Variants in SDK1 observed in about 807,000 individuals in gnomAD.
SDK1 encodes protein sidekick-1.
In SDK1, 157 loss-of-function variants were observed where a neutral mutation model predicts 245.5. That is an observed-to-expected ratio of 0.64 (90% CI 0.56 to 0.73). The LOEUF (loss-of-function observed/expected upper bound fraction) is 0.73, where lower values mean the gene tolerates loss of function less well. Among genes scored for constraint, SDK1 ranks in the 30% least tolerant of loss-of-function variants. SDK1 has a pLI of 0.00. For synonymous variants in SDK1, 1,647 were observed against 1,278.5 expected (o/e 1.29, Z -6.15); for missense variants, 3,583 against 3,002.3 (o/e 1.19, Z -4.52).
chr7:4,092,879 CCCA>C lies in SDK1; in HGVS notation c.3324+13300_3324+13302del, dbSNP rs200940005. Among the ~76,000 whole-genome samples the C allele has an allele frequency of 7.7e-4, 118 of 152,276 alleles. 3 individuals carry two copies. In the East Asian group the frequency reaches 0.019, roughly 24 times the overall value. ...GCAGAGCAGGGCAGGGACGAAAGCT[CCCA>C]CCACAACACTCTCTGCCAGAAGAGT... On this transcript the variant is annotated intron_variant, in intron 22 of 44. Transcript: ENST00000404826.
chr7:4,031,027 GCAAA>G (rs768083242), intron 17 of SDK1, among the ~76,000 whole-genome samples: 32 of 152,104 alleles, frequency 2.1e-4, no homozygotes, highest in African/African-American at 5.1e-4. Context: ...ACATACATGC[GCAAA>G]CAGAGACAAG....
intron 14 of SDK1, among the ~76,000 whole-genome samples, chr7:4,000,762 C>A (rs1022586604): frequency 5.9e-5 from 9 of 152,210 alleles, no homozygotes; most frequent in African/African-American, 2.2e-4. Context: ...CTCACACAGG[C>A]GTTTTCTAAT....
chr7:4,198,876 T>C (rs1783731644), intron 35 of SDK1, among the ~76,000 whole-genome samples: 1 of 151,288 alleles, frequency 6.6e-6, no homozygotes, highest in Non-Finnish European at 1.5e-5. Flanking sequence ...TGCAGTGGCG[T>C]GATCTCGGCT....
At chr7:4,017,931 G>A (rs1786547821) in intron 17 of SDK1, among the ~76,000 whole-genome samples, 1 of 152,290 alleles carries the variant, frequency 6.6e-6, no homozygotes, top group South Asian at 2.1e-4. Context: ...TCCGTGGTGA[G>A]ATCCGGGTGC....
At chr7:3,483,001 A>C (rs1455118568) in intron 1 of SDK1, among the ~76,000 whole-genome samples, 1 of 151,458 alleles carries the variant, frequency 6.6e-6, no homozygotes, top group Non-Finnish European at 1.5e-5. Context: ...TGCTTTGTTA[A>C]AATCACACCA....
At chr7:3,672,860 G>C (rs1783761827) in intron 4 of SDK1, among the ~76,000 whole-genome samples, 1 of 139,704 alleles carries the variant, frequency 7.2e-6, no homozygotes, top group South Asian at 2.2e-4. Context: ...CCTACAATGA[G>C]GGCCCCATCC....
chr7:3,869,249 G>A lies in SDK1; in HGVS notation c.847+47666G>A, dbSNP rs570461009. On this transcript the variant is annotated intron_variant, in intron 5 of 44. Coordinates refer to ENST00000404826, the MANE Select transcript of SDK1 (RefSeq NM_152744.4). Reference sequence around the variant, plus strand: ...CGGCCCACTGCAATCTCCACCTCCCGGGTTCAAGCGATTCTCCTGCCTCAG... The same window carrying A: ...CGGCCCACTGCAATCTCCACCTCCCAGGTTCAAGCGATTCTCCTGCCTCAG... Among the ~76,000 whole-genome samples the A allele has an allele frequency of 3.4e-5, 5 of 148,138 alleles. No homozygotes were observed. The South Asian group carries it at 6.4e-4, about 19-fold the overall frequency.
At chr7:3,586,924 A>AT (rs932517701) in intron 1 of SDK1, among the ~76,000 whole-genome samples, 6 of 152,086 alleles carry the variant, frequency 3.9e-5, no homozygotes, top group South Asian at 2.1e-4. Flanking sequence ...TCTGTAAGAG[A>AT]TTTTTTTGGT....
chr7:3,335,725 G>A (rs1403053685), intron 1 of SDK1, among the ~76,000 whole-genome samples: 2 of 152,100 alleles, frequency 1.3e-5, no homozygotes, highest in African/African-American at 4.8e-5. Context: ...AAAATGAAAT[G>A]AATAGTAATC....
chr7:4,248,970 A>G (rs909046073), intron 44 of SDK1, among the ~76,000 whole-genome samples: 1 of 146,230 alleles, frequency 6.8e-6, no homozygotes, highest in South Asian at 2.1e-4. Context: ...ATACACACAT[A>G]CACATATGTA....
chr7:3,326,889 G>T (rs1373194291), intron 1 of SDK1, among the ~76,000 whole-genome samples: 1 of 152,060 alleles, frequency 6.6e-6, no homozygotes, highest in Non-Finnish European at 1.5e-5. Flanking sequence ...GTTTATTACT[G>T]AAATGAGTAT....
At chr7:4,246,961 G>A (rs946518518) in intron 44 of SDK1, among the ~76,000 whole-genome samples, 1 of 152,180 alleles carries the variant, frequency 6.6e-6, no homozygotes, top group African/African-American at 2.4e-5. Context: ...CTTCCCTACA[G>A]GTGCACCATC....
intron 16 of SDK1, among the ~76,000 whole-genome samples, chr7:4,014,488 A>G (rs936883577): frequency 4.6e-5 from 7 of 152,214 alleles, no homozygotes; most frequent in African/African-American, 1.7e-4. Flanking sequence ...ACATTTCCGC[A>G]TAATCCTCTG....
intron 4 of SDK1, among the ~76,000 whole-genome samples, chr7:3,718,019 C>G (rs544530552): frequency 1.3e-5 from 2 of 150,820 alleles, no homozygotes; most frequent in African/African-American, 4.9e-5. Context: ...AAATTCTCAA[C>G]ACAGTAATGG....
intron 4 of SDK1, among the ~76,000 whole-genome samples, chr7:3,816,638 T>C (rs901263016): frequency 6.6e-6 from 1 of 152,168 alleles, no homozygotes; most frequent in South Asian, 2.1e-4. Context: ...CAGGACCAGA[T>C]GGATTCACAG....
Position 3,462,901 on chromosome 7 carries a change from T to C in SDK1, c.299-156179T>C, listed in dbSNP as rs541212322. Among the ~76,000 whole-genome samples the C allele has an allele frequency of 2.0e-4, 30 of 152,280 alleles. No individual in the cohort carries two copies. In the East Asian group the frequency reaches 5.4e-3, roughly 27 times the overall value. ...GTGATATCATGTTACCCCCACCAGG[T>C]TATCCTTGCTTGCCTTCTCATTGCT... is the stretch of plus-strand genomic sequence containing the variant. On this transcript the variant is annotated intron_variant, in intron 1 of 44. Coordinates refer to ENST00000404826, the MANE Select transcript of SDK1 (RefSeq NM_152744.4).
Position 3,562,693 on chromosome 7 carries a change from TTGG to T in SDK1, c.299-56383_299-56381del, listed in dbSNP as rs142441244. The stretch of plus-strand genomic sequence containing the variant: ...AACTTACCATTTTTAAGTGTACTGT[TTGG>T]TGGCACTAAGTGCAATCACGTTAAG... On this transcript the variant is annotated intron_variant, in intron 1 of 44. Transcript: ENST00000404826. Among the ~76,000 whole-genome samples, 395 of 152,354 alleles carry T rather than the reference TTGG, an allele frequency of 2.6e-3. 2 individuals are homozygous for T. The highest frequency in any genetic ancestry group is 9.0e-3 in the African/African-American group (376 of 41,580).
intron 1 of SDK1, chr7:3,338,125 AATG>A (rs1780251035): frequency 9.9e-6 from 2 of 201,226 alleles, no homozygotes; most frequent in African/African-American, 2.3e-5. Flanking sequence ...AATTTGCCAA[AATG>A]ATGAACGACA....
chr7:4,255,319 T>A (rs894678665), intron 44 of SDK1, among the ~76,000 whole-genome samples: 1 of 152,228 alleles, frequency 6.6e-6, no homozygotes, highest in Non-Finnish European at 1.5e-5. Context: ...AGCTCTCTGT[T>A]CTTACAGAAT....
Sources: allele counts gnomAD v4.1 joint callset (sites outside exome capture counted in the v4.1 genomes callset), GRCh38; gene constraint gnomAD v4.1.1; transcripts MANE v1.5; gene names NCBI Gene and HGNC (gene_info 2026-07-23, HGNC 2026-07-21).